CCDC192: variants seen among roughly 807,000 people sequenced by gnomAD.
CCDC192 encodes the protein coiled-coil domain containing 192, also known as coiled-coil domain-containing protein 192.
chr5:127,743,717 T>C (rs565476967), intron 2 of CCDC192, among the ~76,000 whole-genome samples: 1 of 152,276 alleles, frequency 6.6e-6, no homozygotes, highest in African/African-American at 2.4e-5. Flanking sequence ...AGGAATACTG[T>C]TTTCACTGGA....
intron 5 of CCDC192, among the ~76,000 whole-genome samples, chr5:127,874,587 T>A (rs1424749949): frequency 6.6e-6 from 1 of 152,192 alleles, no homozygotes; most frequent in Non-Finnish European, 1.5e-5. Context: ...CAGGGAAGAA[T>A]ATGATCTTAC....
rs77977979 is a variant in CCDC192 at position 127,744,372 on chromosome 5, G to A, written c.115-9896G>A. Among the ~76,000 whole-genome samples the A allele has an allele frequency of 2.9e-3, 437 of 152,022 alleles. 3 individuals are homozygous for A. The highest frequency in any genetic ancestry group is 0.01 in the African/African-American group (421 of 41,458). On this transcript the variant is annotated intron_variant, in intron 2 of 6. Coordinates refer to ENST00000514853, the MANE Select transcript of CCDC192 (RefSeq NM_001317938.2). The stretch of plus-strand genomic sequence containing the variant: ...GTGATAGGTGCCTGTCAAGCAGAAG[G>A]AGAGAGGAATGGACAGCAGTAATGA...
At chr5:127,896,265 C>T (rs992794184) in intron 6 of CCDC192, among the ~76,000 whole-genome samples, 1 of 152,082 alleles carries the variant, frequency 6.6e-6, no homozygotes, top group East Asian at 1.9e-4. Flanking sequence ...ATAGTGAGAC[C>T]CCCGTCCCTA....
At chr5:127,809,482 A>G (rs537101873) in intron 5 of CCDC192, among the ~76,000 whole-genome samples, 98 of 152,296 alleles carry the variant, frequency 6.4e-4, no homozygotes, top group African/African-American at 2.3e-3. Flanking sequence ...TAAGCCTAAA[A>G]TGAGATTCTA....
intron 2 of CCDC192, among the ~76,000 whole-genome samples, chr5:127,737,966 T>C (rs1329660742): frequency 1.3e-5 from 2 of 151,884 alleles, no homozygotes; most frequent in African/African-American, 2.4e-5. Context: ...AATTTGATCC[T>C]GTCATTATGA....
chr5:127,755,237 A>G (rs1254034527), intron 3 of CCDC192, among the ~76,000 whole-genome samples: 1 of 152,220 alleles, frequency 6.6e-6, no homozygotes, highest in Non-Finnish European at 1.5e-5. Flanking sequence ...TACATTGGAA[A>G]AAAAGAATTT....
At chr5:127,864,847 A>C (rs1271110591) in intron 5 of CCDC192, among the ~76,000 whole-genome samples, 1 of 152,162 alleles carries the variant, frequency 6.6e-6, no homozygotes, top group Non-Finnish European at 1.5e-5. Flanking sequence ...AAGGACTATT[A>C]AAAATAACTA....
intron 5 of CCDC192, among the ~76,000 whole-genome samples, chr5:127,855,025 C>T (rs1051513355): frequency 1.4e-4 from 22 of 152,134 alleles, no homozygotes; most frequent in Non-Finnish European, 2.2e-4. Context: ...TAACAATTAT[C>T]CGAGCCTTCA....
intron 6 of CCDC192, among the ~76,000 whole-genome samples, chr5:127,915,631 T>G (rs570656986): frequency 4.0e-4 from 61 of 152,358 alleles, no homozygotes; most frequent in African/African-American, 1.4e-3. Flanking sequence ...TCCACCCGCC[T>G]GGGCTTCCCA....
chr5:127,743,613 A>G (rs1463206178), intron 2 of CCDC192, among the ~76,000 whole-genome samples: 1 of 152,166 alleles, frequency 6.6e-6, no homozygotes, highest in African/African-American at 2.4e-5. Context: ...CTGCTCAGCC[A>G]TATAGATGGG....
In CCDC192 at chr5:127,765,327, A is replaced by G. The variant is rs182134833; in HGVS notation, c.222+10952A>G. Among the ~76,000 whole-genome samples, 123 of 152,348 alleles carry G rather than the reference A, an allele frequency of 8.1e-4. 4 individuals are homozygous for G. The highest frequency in any genetic ancestry group is 9.1e-4 in the Admixed American group (14 of 15,304). On this transcript the variant is annotated intron_variant, in intron 3 of 6. Transcript: ENST00000514853. ...GACATTAAGGAAATATGCAAAATGT[A>G]AAACAATACCACTTTTTTACTGTTT... is the stretch of plus-strand genomic sequence containing the variant.
At chr5:127,723,603 A>C (rs986349143) in intron 2 of CCDC192, among the ~76,000 whole-genome samples, 6 of 152,214 alleles carry the variant, frequency 3.9e-5, no homozygotes, top group Non-Finnish European at 8.8e-5. Flanking sequence ...AAACTGTTTA[A>C]AATTTCCTTA....
intron 5 of CCDC192, among the ~76,000 whole-genome samples, chr5:127,865,633 A>G (rs1751576917): frequency 6.7e-6 from 1 of 149,700 alleles, no homozygotes; most frequent in African/African-American, 2.5e-5. Context: ...CAAATCGACA[A>G]AGACTACAGT....
intron 6 of CCDC192, among the ~76,000 whole-genome samples, chr5:127,908,140 C>G (rs1184758777): frequency 1.3e-5 from 2 of 152,220 alleles, no homozygotes; most frequent in African/African-American, 4.8e-5. Context: ...TATACACACA[C>G]AGACCACACA....
rs139568039 is a variant in CCDC192, at chr5:127,753,515, G to T, written c.115-753G>T. Among the ~76,000 whole-genome samples, 247 of 152,094 alleles carry T rather than the reference G, an allele frequency of 1.6e-3. 1 individual carries two copies. Among genetic ancestry groups the T allele is most frequent in the African/African-American group, 5.7e-3 (238 of 41,494 alleles). On this transcript the variant is annotated intron_variant, in intron 2 of 6. Transcript: ENST00000514853. ...TTTCAAGACTAGCCTGGCCAACATGGGGAATCCACGTCTCTACTAAAAATA... is the reference window on the plus strand; with the variant it reads ...TTTCAAGACTAGCCTGGCCAACATGTGGAATCCACGTCTCTACTAAAAATA...
intron 3 of CCDC192, chr5:127,786,955 G>A: frequency 2.6e-6 from 1 of 389,028 alleles, no homozygotes. Context: ...ATGTACACCT[G>A]CTGGATGGTG....
intron 6 of CCDC192, among the ~76,000 whole-genome samples, chr5:127,880,778 G>A (rs1025259820): frequency 4.6e-5 from 7 of 151,846 alleles, no homozygotes; most frequent in East Asian, 3.9e-4. Flanking sequence ...TCAGGAGTTC[G>A]AGACCAGCCT....
intron 2 of CCDC192, among the ~76,000 whole-genome samples, chr5:127,751,886 C>G (rs2126866975): frequency 6.6e-6 from 1 of 152,230 alleles, no homozygotes; most frequent in African/African-American, 2.4e-5. Flanking sequence ...TGCTGATACC[C>G]TTTCTTCCAG....
intron 6 of CCDC192, among the ~76,000 whole-genome samples, chr5:127,884,247 G>A (rs1002645565): frequency 6.7e-6 from 1 of 149,566 alleles, no homozygotes; most frequent in Admixed American, 6.8e-5. Context: ...GGAGGCTGAG[G>A]CAGAAGAATG....
Sources: gnomAD v4.1 joint callset for allele counts (sites outside exome capture counted in the v4.1 genomes callset) on GRCh38, gnomAD v4.1.1 for gene constraint, MANE v1.5 for transcripts, NCBI Gene and HGNC (gene_info 2026-07-23, HGNC 2026-07-21) for gene names.